The following STT3B variants were observed in gnomAD, a reference collection of about 807,000 sequenced individuals.
STT3B encodes the protein dolichyl-diphosphooligosaccharide--protein glycosyltransferase subunit STT3B.
In STT3B, 29 loss-of-function variants were observed where a neutral mutation model predicts 96.8. That is an observed-to-expected ratio of 0.30 (90% CI 0.22 to 0.41). The LOEUF (loss-of-function observed/expected upper bound fraction) is 0.41, where lower values mean the gene tolerates loss of function less well. STT3B is among the 10% of genes least tolerant of loss of function. The pLI is 1.00. For missense variants in STT3B, 640 were observed against 1,022.3 expected (o/e 0.63, Z 5.10); for synonymous variants, 367 against 360.0 (o/e 1.02, Z -0.22).
chr3:31,621,757 G>A lies in STT3B; in HGVS notation c.1328-340G>A, dbSNP rs190047442. ...TTAAATCTATAAATTTATTTTGCCT[G>A]GAGATGTCATGCACAAATATGTTTT... On this transcript the variant is annotated intron_variant, in intron 9 of 15. Transcript: ENST00000295770. Among the ~76,000 whole-genome samples the A allele has an allele frequency of 3.3e-5, 5 of 152,188 alleles. No individual in the cohort carries two copies. In the East Asian group the frequency reaches 9.7e-4, roughly 29 times the overall value.
At chr3:31,620,569 A>T (rs963620309) in intron 9 of STT3B, among the ~76,000 whole-genome samples, 1 of 152,194 alleles carries the variant, frequency 6.6e-6, no homozygotes, top group African/African-American at 2.4e-5. Flanking sequence ...ACAGATTTGT[A>T]TATTTCCAAC....
At chr3:31,610,904 C>T (rs1366752712) in intron 5 of STT3B, among the ~76,000 whole-genome samples, 1 of 152,128 alleles carries the variant, frequency 6.6e-6, no homozygotes, top group Non-Finnish European at 1.5e-5. Flanking sequence ...CACAGGATGG[C>T]AGTGTGGTAA....
rs190890830 is a variant in STT3B at position 31,624,896 on chromosome 3, T to C, written c.1728-18T>C. ...ATTTGTGACATCTCATTTAAAAGAG[T>C]ATTGTGATTCTTTTCAGCACCAGGA... On this transcript the variant is annotated intron_variant, in intron 11 of 15. Transcript: ENST00000295770. The C allele has an allele frequency of 9.3e-5, 148 of 1,597,712 alleles. No homozygotes were observed. The highest frequency in any genetic ancestry group is 1.2e-4 in the Non-Finnish European group (139 of 1,169,086).
intron 1 of STT3B, among the ~76,000 whole-genome samples, chr3:31,552,220 A>G (rs1697579129): frequency 6.6e-6 from 1 of 152,160 alleles, no homozygotes; most frequent in Non-Finnish European, 1.5e-5. Context: ...CCCTTCGTAA[A>G]CCTTTCTTTC....
At chr3:31,589,359 C>G (rs946099309) in intron 3 of STT3B, among the ~76,000 whole-genome samples, 1 of 151,904 alleles carries the variant, frequency 6.6e-6, no homozygotes, top group African/African-American at 2.4e-5. Flanking sequence ...TCTTTGGGGT[C>G]TTTTACGTAG....
intron 1 of STT3B, among the ~76,000 whole-genome samples, chr3:31,561,987 G>T (rs1399943638): frequency 6.6e-6 from 1 of 152,126 alleles, no homozygotes; most frequent in Non-Finnish European, 1.5e-5. Flanking sequence ...ATGGGGTCAG[G>T]GATACCAGGT....
intron 4 of STT3B, among the ~76,000 whole-genome samples, chr3:31,597,620 C>T (rs1442613037): frequency 6.6e-6 from 1 of 152,142 alleles, no homozygotes; most frequent in East Asian, 1.9e-4. Flanking sequence ...CCACGCCTGG[C>T]TAATTTTAAA....
At chr3:31,626,227 T>G (rs1419653475) in intron 13 of STT3B, 100 bp downstream of exon 13, 1 of 1,085,376 alleles carries the variant, frequency 9.2e-7, no homozygotes, top group East Asian at 2.5e-5. Context: ...CATCATCCTA[T>G]CCCTCAGATT....
At chr3:31,630,597 AT>A (rs929877582) in intron 14 of STT3B, among the ~76,000 whole-genome samples, 3 of 152,042 alleles carry the variant, frequency 2.0e-5, no homozygotes, top group Non-Finnish European at 2.9e-5. Context: ...TCTGTCCCAA[AT>A]TTTTATCTTC....
intron 1 of STT3B, among the ~76,000 whole-genome samples, chr3:31,543,628 A>T (rs1697333603): frequency 1.3e-5 from 2 of 152,232 alleles, no homozygotes; most frequent in African/African-American, 4.8e-5. Flanking sequence ...TGCAGTGAAC[A>T]TCATAATCCC....
intron 7 of STT3B, 55 bp from the exon 8 acceptor site, chr3:31,617,885 G>A (rs1699341421): frequency 8.2e-7 from 1 of 1,221,126 alleles, no homozygotes; most frequent in Non-Finnish European, 1.2e-6. Context: ...GGCAATAAAA[G>A]ATTTACAAAA....
chr3:31,535,473 C>G (rs185874481), intron 1 of STT3B, among the ~76,000 whole-genome samples: 526 of 152,120 alleles, frequency 3.5e-3, no homozygotes, highest in Non-Finnish European at 4.3e-3. Flanking sequence ...CCTGTAATCC[C>G]AGCACTTCGG....
intron 5 of STT3B, among the ~76,000 whole-genome samples, chr3:31,611,423 A>C (rs1699177412): frequency 6.6e-6 from 1 of 152,194 alleles, no homozygotes; most frequent in Non-Finnish European, 1.5e-5. Flanking sequence ...TGAAGAGGTA[A>C]TTTCTAAACA....
Position 31,621,655 on chromosome 3 carries a change from A to C in STT3B, c.1328-442A>C, listed in dbSNP as rs78156100. On this transcript the variant is annotated intron_variant, in intron 9 of 15. Coordinates refer to ENST00000295770, the MANE Select transcript of STT3B (RefSeq NM_178862.3). ...TTTGCAGGTTCCTCCTTTGATTAAT[A>C]ACTTACGTTCTTCTCATCCCGTTTT... 7.9e-5 allele frequency among the ~76,000 whole-genome samples: 12 copies of C among 152,316 alleles called. No homozygotes were observed. The East Asian group carries it at 2.3e-3, about 29-fold the overall frequency.
At chr3:31,602,303 C>G (rs553585245) in intron 5 of STT3B, among the ~76,000 whole-genome samples, 1 of 147,492 alleles carries the variant, frequency 6.8e-6, no homozygotes, top group East Asian at 2.0e-4. Context: ...ACAGATTAAA[C>G]TTTTTTTTTT....
At position 31,544,792 on chromosome 3, in the gene STT3B, A is replaced by G. The variant is rs1357229472; in HGVS notation, c.314+11480A>G. Among the ~76,000 whole-genome samples, 5 of 152,276 alleles carry G rather than the reference A, an allele frequency of 3.3e-5. No homozygotes were observed. In the East Asian group the frequency reaches 7.7e-4, roughly 24 times the overall value. On this transcript the variant is annotated intron_variant, in intron 1 of 15. Coordinates refer to ENST00000295770, the MANE Select transcript of STT3B (RefSeq NM_178862.3). ...CCAGTTTGAGACCAGCCTGGCCAAC[A>G]TGATGAAACCCTATCTCTACTAGAA...
In STT3B at chr3:31,545,918, G is replaced by A. The variant is rs73824178; in HGVS notation, c.314+12606G>A. Among the ~76,000 whole-genome samples the A allele has an allele frequency of 1.7e-3, 251 of 151,656 alleles. 1 individual carries two copies. Among genetic ancestry groups the A allele is most frequent in the African/African-American group, 5.8e-3 (240 of 41,342 alleles). On this transcript the variant is annotated intron_variant, in intron 1 of 15. Transcript: ENST00000295770. ...GTGGCCCAGGGAAGCCGAAAGATTG[G>A]ACACCCCTGCTGTGAAAACAATATA...
At chr3:31,536,692 A>G (rs899745142) in intron 1 of STT3B, among the ~76,000 whole-genome samples, 2 of 152,196 alleles carry the variant, frequency 1.3e-5, no homozygotes, top group African/African-American at 4.8e-5. Context: ...CTTTTTTAAC[A>G]TTTAGCAACA....
At chr3:31,546,444 A>T (rs572420704) in intron 1 of STT3B, among the ~76,000 whole-genome samples, 1 of 152,304 alleles carries the variant, frequency 6.6e-6, no homozygotes, top group East Asian at 1.9e-4. Context: ...CTGCCTCAGC[A>T]TTGCAGCGGG....
Sources: allele counts gnomAD v4.1 joint callset (sites outside exome capture counted in the v4.1 genomes callset), GRCh38; gene constraint gnomAD v4.1.1; transcripts MANE v1.5; gene names NCBI Gene and HGNC (gene_info 2026-07-23, HGNC 2026-07-21).